The following DPP6 variants were observed in gnomAD, a reference collection of about 807,000 sequenced individuals.
DPP6 encodes dipeptidyl peptidase like 6, also known as A-type potassium channel modulatory protein DPP6.
In DPP6, 69 loss-of-function variants were observed where a neutral mutation model predicts 122.6. That is an observed-to-expected ratio of 0.56 (90% confidence interval 0.46 to 0.69). The LOEUF (loss-of-function observed/expected upper bound fraction) is 0.69, where lower values mean the gene tolerates loss of function less well. Ranked by LOEUF, DPP6 falls within the 30% of genes least tolerant of loss-of-function variation. The probability of loss-of-function intolerance (pLI) is 0.00; values close to 1 mark genes in which losing one functional copy is unlikely to be tolerated. For missense variants in DPP6, 928 were observed against 1,116.9 expected (o/e 0.83, Z 2.41); for synonymous variants, 418 against 433.1 (o/e 0.97, Z 0.43).
At chr7:154,361,286 C>A (rs575533256) in intron 1 of DPP6, among the ~76,000 whole-genome samples, 1 of 152,148 alleles carries the variant, frequency 6.6e-6, no homozygotes, top group African/African-American at 2.4e-5. Context: ...GCACACTGCC[C>A]ACCATCTGCT....
chr7:154,087,975 C>T (rs1171039391), intron 1 of DPP6, among the ~76,000 whole-genome samples: 1 of 152,182 alleles, frequency 6.6e-6, no homozygotes, highest in Admixed American at 6.5e-5. Context: ...AGACCTGCTG[C>T]AGAGCCTGGT....
intron 1 of DPP6, among the ~76,000 whole-genome samples, chr7:154,435,859 A>G (rs11764883): frequency 3.3e-5 from 5 of 152,344 alleles, no homozygotes; most frequent in Middle Eastern, 3.4e-3. Flanking sequence ...ATACATTTAG[A>G]CAATAGAAGG....
At chr7:154,611,554 A>G (rs1833911352) in intron 5 of DPP6, among the ~76,000 whole-genome samples, 1 of 151,540 alleles carries the variant, frequency 6.6e-6, no homozygotes, top group Non-Finnish European at 1.5e-5. Flanking sequence ...TGTGTGTGTA[A>G]TATTAAGCAA....
intron 1 of DPP6, among the ~76,000 whole-genome samples, chr7:154,395,459 G>T (rs1018311961): frequency 5.9e-5 from 9 of 152,186 alleles, no homozygotes; most frequent in Admixed American, 5.2e-4. Flanking sequence ...CATTTTACAA[G>T]TTGTTCACCT....
At chr7:154,197,622 G>C (rs1334046988) in intron 1 of DPP6, among the ~76,000 whole-genome samples, 1 of 152,174 alleles carries the variant, frequency 6.6e-6, no homozygotes, top group African/African-American at 2.4e-5. Flanking sequence ...CATAACAAAG[G>C]ACAGTTGTAG....
chr7:153,904,731 T>G (rs1403255315), intron 1 of DPP6, among the ~76,000 whole-genome samples: 7 of 152,184 alleles, frequency 4.6e-5, no homozygotes, highest in Non-Finnish European at 8.8e-5. Flanking sequence ...AAATAGACAG[T>G]GATTACACAG....
chr7:153,829,692 G>A, the DPP6 span, among the ~76,000 whole-genome samples: 1,331 of 152,274 alleles, frequency 8.7e-3, 7 homozygotes, highest in Non-Finnish European at 0.013. Flanking sequence ...CTTCTGGAAC[G>A]CAGCGTGCAT....
At chr7:154,757,002 G>A (rs1843714049) in intron 8 of DPP6, among the ~76,000 whole-genome samples, 1 of 150,838 alleles carries the variant, frequency 6.6e-6, no homozygotes, top group African/African-American at 2.4e-5. Context: ...GGCCCCTGAG[G>A]AACAGGCCAG....
chr7:154,002,545 G>A (rs1258179410), intron 1 of DPP6, among the ~76,000 whole-genome samples: 1 of 152,178 alleles, frequency 6.6e-6, no homozygotes, highest in Non-Finnish European at 1.5e-5. Context: ...AAACTATTGG[G>A]AAACCTGTAG....
At chr7:154,360,593 G>A (rs1214530424) in intron 1 of DPP6, among the ~76,000 whole-genome samples, 1 of 152,178 alleles carries the variant, frequency 6.6e-6, no homozygotes, top group East Asian at 1.9e-4. Flanking sequence ...GACATCCTAT[G>A]TTAGTTGGCT....
Position 154,485,405 on chromosome 7 carries a change from TAAGAG to T in DPP6, c.457+10375_457+10379del, listed in dbSNP as rs199812592. Among the ~76,000 whole-genome samples the T allele has an allele frequency of 5.7e-3, 875 of 152,338 alleles. 8 individuals carry two copies. The highest frequency in any genetic ancestry group is 0.02 in the African/African-American group (827 of 41,578). On this transcript the variant is annotated intron_variant, in intron 3 of 25. Transcript: ENST00000377770. ...TCATGCTCAAGGTCGCACCTTTCCT[TAAGAG>T]AAGAGAGCCTCAGTTGTCTGGCATT...
chr7:154,710,806 C>T (rs923445900), intron 7 of DPP6, among the ~76,000 whole-genome samples: 1 of 152,230 alleles, frequency 6.6e-6, no homozygotes, highest in East Asian at 1.9e-4. Context: ...GCAGGATTGG[C>T]ACAGTCTCCA....
chr7:154,354,627 T>C (rs187562731), intron 1 of DPP6, among the ~76,000 whole-genome samples: 1 of 152,342 alleles, frequency 6.6e-6, no homozygotes, highest in Admixed American at 6.5e-5. Flanking sequence ...TTTGGAACCC[T>C]GTATAAATAG....
the DPP6 span, among the ~76,000 whole-genome samples, chr7:153,769,120 T>C: frequency 6.6e-6 from 1 of 152,220 alleles, no homozygotes; most frequent in Non-Finnish European, 1.5e-5. Flanking sequence ...GTTGGTCTTG[T>C]ACCCATTGAT....
At chr7:154,341,751 A>G (rs946904928) in intron 1 of DPP6, among the ~76,000 whole-genome samples, 4 of 151,908 alleles carry the variant, frequency 2.6e-5, no homozygotes, top group Non-Finnish European at 4.4e-5. Flanking sequence ...TTAAGACTGC[A>G]CCCATTTTTA....
intron 3 of DPP6, among the ~76,000 whole-genome samples, chr7:154,506,460 C>A (rs1825673427): frequency 6.6e-6 from 1 of 152,030 alleles, no homozygotes; most frequent in Non-Finnish European, 1.5e-5. Flanking sequence ...CATAATAATA[C>A]AACTATCTTA....
At chr7:154,555,455 G>A (rs748611514) in intron 4 of DPP6, among the ~76,000 whole-genome samples, 7 of 151,842 alleles carry the variant, frequency 4.6e-5, no homozygotes, top group African/African-American at 7.3e-5. Context: ...ATCACACACC[G>A]GCGACTGTTG....
intron 1 of DPP6, among the ~76,000 whole-genome samples, chr7:154,251,397 A>G (rs1363283528): frequency 6.6e-6 from 1 of 152,264 alleles, no homozygotes; most frequent in Non-Finnish European, 1.5e-5. Flanking sequence ...GACAGAGTCA[A>G]CAAGGCTGTG....
chr7:154,766,328 A>AT (rs57568055), intron 8 of DPP6, among the ~76,000 whole-genome samples: 3,206 of 151,982 alleles, frequency 0.021, 106 homozygotes, highest in African/African-American at 0.074. Context: ...ATTTTATTTT[A>AT]TTTTTTTGAG....
Sources: gnomAD v4.1 joint callset for allele counts (sites outside exome capture counted in the v4.1 genomes callset) on GRCh38, gnomAD v4.1.1 for gene constraint, MANE v1.5 for transcripts, NCBI Gene and HGNC (gene_info 2026-07-23, HGNC 2026-07-21) for gene names.